The following SLC35F1 variants were observed in gnomAD, a reference collection of about 807,000 sequenced individuals.
SLC35F1 encodes the protein chromosome 6 open reading frame 169.
SLC35F1 carries 14 observed loss-of-function variants against 48.7 expected under a neutral mutation model. The ratio of observed to expected loss-of-function variants is 0.29; its 90% confidence interval spans 0.19 to 0.45. The LOEUF is 0.45. Among genes scored for constraint, SLC35F1 ranks in the 20% least tolerant of loss-of-function variants. The pLI, the probability that SLC35F1 is intolerant of heterozygous loss-of-function variation, is 1.00. For missense variants in SLC35F1, 404 were observed against 500.0 expected (o/e 0.81, Z 1.83); for synonymous variants, 190 against 202.2 (o/e 0.94, Z 0.51).
intron 1 of SLC35F1, among the ~76,000 whole-genome samples, chr6:118,140,382 A>G (rs1773867683): frequency 6.6e-6 from 1 of 152,210 alleles, no homozygotes; most frequent in South Asian, 2.1e-4. Flanking sequence ...TGTAGACTTC[A>G]TAGTGTAGTA....
Position 118,317,202 on chromosome 6 carries a change from A to G in SLC35F1, c.*2950A>G, listed in dbSNP as rs1460190123. 2 of 152,490 alleles carry G rather than the reference A, an allele frequency of 1.3e-5. No individual in the cohort carries two copies. The highest frequency in any genetic ancestry group is 2.4e-5 in the African/African-American group (1 of 41,442). The allele number at this position is 152,490 out of a possible 1,614,324, so 9.4% of individuals were successfully genotyped here. A position where few individuals can be genotyped will look rare whatever the true frequency, so the allele number is the denominator to read the frequency against. On this transcript the variant is annotated 3_prime_UTR_variant, in exon 8 of 8. Transcript: ENST00000360388. ...TTAAGTGGTGGTTCTCACTTCCTCA[A>G]TGAAAACTTGCACTGGGGACAGCGC...
At chr6:118,153,326 TG>T (rs1774091189) in intron 1 of SLC35F1, among the ~76,000 whole-genome samples, 1 of 152,196 alleles carries the variant, frequency 6.6e-6, no homozygotes, top group Non-Finnish European at 1.5e-5. Context: ...CACAAAGAAA[TG>T]ATAAATTTTT....
intron 1 of SLC35F1, among the ~76,000 whole-genome samples, chr6:118,101,583 G>C (rs1262166493): frequency 6.6e-6 from 1 of 152,166 alleles, no homozygotes; most frequent in African/African-American, 2.4e-5. Context: ...CTTCTAAAAT[G>C]AAAAATAATG....
rs202065600 is a variant in SLC35F1, at chr6:118,112,082, CTTTCTTTTCTTTTCTTTTCTTTTCT to C, written c.174-42324_174-42300del. On this transcript the variant is annotated intron_variant, in intron 1 of 7. Transcript: ENST00000360388. ...TTTCTTTCTTTCTTTTTCTTTATTT[CTTTCTTTTCTTTTCTTTTCTTTTCT>C]TTTCTTTTCTTTTCTTTTCTTTTCT... 2.4e-3 allele frequency among the ~76,000 whole-genome samples: 312 copies of C among 131,804 alleles called. 6 individuals are homozygous for C. The highest frequency in any genetic ancestry group is 6.0e-3 in the African/African-American group (211 of 34,998). 86.5% of individuals were successfully genotyped at this position (131,804 alleles called of 152,430 possible). A position where few individuals can be genotyped will look rare whatever the true frequency, so the allele number is the denominator to read the frequency against.
At position 118,106,517 on chromosome 6, in the gene SLC35F1, A is replaced by C. The variant is rs186408259; in HGVS notation, c.174-47928A>C. Among the ~76,000 whole-genome samples, 3 of 151,828 alleles carry C rather than the reference A, an allele frequency of 2.0e-5. No homozygotes were observed. The East Asian group carries it at 5.8e-4, about 30-fold the overall frequency. On this transcript the variant is annotated intron_variant, in intron 1 of 7. Transcript: ENST00000360388. ...AGCCACTGCTAAGCTAAATCTGATC[A>C]CTCCTCACCATTTCACTGTTACAGC...
chr6:118,270,844 G>T (rs1282803353), intron 4 of SLC35F1, among the ~76,000 whole-genome samples: 3 of 152,144 alleles, frequency 2.0e-5, no homozygotes, highest in African/African-American at 7.2e-5. Flanking sequence ...TTCTCTGCTT[G>T]CCTGGGAAAA....
chr6:117,988,298 G>A (rs529297687), intron 1 of SLC35F1, among the ~76,000 whole-genome samples: 1 of 152,246 alleles, frequency 6.6e-6, no homozygotes, highest in Middle Eastern at 3.4e-3. Context: ...CAAGATGGTG[G>A]ACTTTCTGCT....
At chr6:118,037,253 A>C (rs779064892) in intron 1 of SLC35F1, among the ~76,000 whole-genome samples, 5 of 152,148 alleles carry the variant, frequency 3.3e-5, no homozygotes, top group Admixed American at 6.5e-5. Flanking sequence ...TTTTAAGACA[A>C]TATATAATTG....
chr6:118,044,286 C>T (rs1772269017), intron 1 of SLC35F1, among the ~76,000 whole-genome samples: 1 of 152,196 alleles, frequency 6.6e-6, no homozygotes, highest in Middle Eastern at 3.2e-3. Context: ...GAGTTTCATT[C>T]AAGGGCATTC....
At chr6:118,266,438 C>T (rs1336465056) in intron 3 of SLC35F1, among the ~76,000 whole-genome samples, 1 of 151,974 alleles carries the variant, frequency 6.6e-6, no homozygotes, top group Non-Finnish European at 1.5e-5. Context: ...ATATTTAGAG[C>T]ACTTTTTTAT....
chr6:117,932,968 C>T (rs1776120711), intron 1 of SLC35F1, among the ~76,000 whole-genome samples: 1 of 152,184 alleles, frequency 6.6e-6, no homozygotes, highest in South Asian at 2.1e-4. Context: ...AAACAAGTTT[C>T]TTACGTTGAT....
intron 1 of SLC35F1, among the ~76,000 whole-genome samples, chr6:118,102,165 A>T (rs769921756): frequency 3.3e-5 from 5 of 152,168 alleles, no homozygotes; most frequent in Non-Finnish European, 5.9e-5. Flanking sequence ...ATAACAATGT[A>T]CAGGAAGGAC....
At chr6:118,036,987 G>T (rs1420656306) in intron 1 of SLC35F1, among the ~76,000 whole-genome samples, 2 of 151,994 alleles carry the variant, frequency 1.3e-5, no homozygotes, top group East Asian at 1.9e-4. Flanking sequence ...ATATTTGAGG[G>T]TCTATTATCA....
At chr6:118,066,182 T>C (rs1382616983) in intron 1 of SLC35F1, among the ~76,000 whole-genome samples, 10 of 152,318 alleles carry the variant, frequency 6.6e-5, no homozygotes, top group South Asian at 2.1e-4. Context: ...TTTTGTAACA[T>C]TGGAATTTGG....
chr6:118,114,055 A>G (rs556329454), intron 1 of SLC35F1, among the ~76,000 whole-genome samples: 12 of 152,310 alleles, frequency 7.9e-5, no homozygotes, highest in African/African-American at 2.9e-4. Flanking sequence ...AAGCCCTTCT[A>G]TATGCATTGT....
intron 3 of SLC35F1, among the ~76,000 whole-genome samples, chr6:118,251,328 T>A (rs1775572271): frequency 6.7e-6 from 1 of 149,108 alleles, no homozygotes; most frequent in Non-Finnish European, 1.5e-5. Context: ...TTTTTTAAAT[T>A]TTTTTTTTTT....
intron 1 of SLC35F1, among the ~76,000 whole-genome samples, chr6:117,936,481 A>T (rs1003667356): frequency 2.0e-5 from 3 of 152,222 alleles, no homozygotes; most frequent in African/African-American, 7.2e-5. Context: ...AGTTGCTCTC[A>T]TCTTTGCAAT....
At chr6:118,110,471 T>C (rs1368891919) in intron 1 of SLC35F1, among the ~76,000 whole-genome samples, 1 of 152,138 alleles carries the variant, frequency 6.6e-6, no homozygotes, top group Non-Finnish European at 1.5e-5. Flanking sequence ...AGGGCACTAT[T>C]TGGGGAGTTT....
chr6:118,199,683 A>T (rs984107030), intron 2 of SLC35F1, among the ~76,000 whole-genome samples: 1 of 152,204 alleles, frequency 6.6e-6, no homozygotes, highest in Non-Finnish European at 1.5e-5. Context: ...TGGTAAAACT[A>T]GTCAATGTCT....
Sources: gnomAD v4.1 joint callset for allele counts (sites outside exome capture counted in the v4.1 genomes callset) on GRCh38, gnomAD v4.1.1 for gene constraint, MANE v1.5 for transcripts, NCBI Gene and HGNC (gene_info 2026-07-23, HGNC 2026-07-21) for gene names.